Variants in QTMAN observed in about 807,000 individuals in gnomAD.
QTMAN encodes the protein tRNA-queuosine alpha-mannosyltransferase.
At chr2:144,101,415 C>A in the QTMAN span, among the ~76,000 whole-genome samples, 9 of 151,142 alleles carry the variant, frequency 6.0e-5, no homozygotes, top group South Asian at 1.9e-3. Context: ...CACACACACA[C>A]TACTTTACTG....
chr2:144,029,927 T>C, the QTMAN span, among the ~76,000 whole-genome samples: 1 of 152,226 alleles, frequency 6.6e-6, no homozygotes, highest in Non-Finnish European at 1.5e-5. Context: ...AGTGTGTGTG[T>C]ACCCATCTGC....
the QTMAN span, among the ~76,000 whole-genome samples, chr2:144,042,754 A>T: frequency 7.1e-6 from 1 of 140,806 alleles, no homozygotes; most frequent in Non-Finnish European, 1.5e-5. Flanking sequence ...ACAGAGTGAG[A>T]CTCTGTCTCA....
At chr2:143,969,381 G>A in the QTMAN span, among the ~76,000 whole-genome samples, 59 of 152,292 alleles carry the variant, frequency 3.9e-4, 1 homozygote, top group South Asian at 0.01. Context: ...TTTCTTGAGA[G>A]CAGGGAGTTT....
chr2:143,988,588 A>G, the QTMAN span, among the ~76,000 whole-genome samples: 1 of 152,248 alleles, frequency 6.6e-6, no homozygotes, highest in East Asian at 1.9e-4. Context: ...CAACAACTCT[A>G]CGAGGTAGAT....
chr2:144,004,401 G>A, the QTMAN span, among the ~76,000 whole-genome samples: 1 of 151,936 alleles, frequency 6.6e-6, no homozygotes, highest in African/African-American at 2.4e-5. Context: ...GGGGATGTTT[G>A]ATGAATGCTG....
the QTMAN span, among the ~76,000 whole-genome samples, chr2:144,311,284 G>A: frequency 6.6e-6 from 1 of 152,158 alleles, no homozygotes; most frequent in Admixed American, 6.5e-5. Flanking sequence ...TGCTTCTTAG[G>A]ATATGTAAAA....
the QTMAN span, among the ~76,000 whole-genome samples, chr2:144,007,996 C>A: frequency 6.6e-6 from 1 of 152,090 alleles, no homozygotes; most frequent in African/African-American, 2.4e-5. Context: ...TCTGAATATA[C>A]TTTGTATTAA....
At chr2:144,011,966 T>C in the QTMAN span, among the ~76,000 whole-genome samples, 10 of 152,164 alleles carry the variant, frequency 6.6e-5, no homozygotes, top group African/African-American at 2.4e-4. Context: ...TACAGAATGC[T>C]TCTTCCTGTT....
the QTMAN span, among the ~76,000 whole-genome samples, chr2:144,021,488 C>A: frequency 3.6e-4 from 54 of 152,044 alleles, no homozygotes; most frequent in Middle Eastern, 3.2e-3. Context: ...GAATCCAGGA[C>A]ATAGTTGACC....
the QTMAN span, chr2:144,141,970 G>T: frequency 1.2e-6 from 2 of 1,610,212 alleles, no homozygotes; most frequent in East Asian, 2.2e-5. Flanking sequence ...CTGTGATCAG[G>T]AATCAGCTTC....
chr2:144,016,603 C>G, the QTMAN span, among the ~76,000 whole-genome samples: 388 of 152,268 alleles, frequency 2.5e-3, 3 homozygotes, highest in South Asian at 5.6e-3. Context: ...TAAAAATGGT[C>G]TCTAATCATG....
the QTMAN span, among the ~76,000 whole-genome samples, chr2:144,141,110 CT>C: frequency 6.6e-6 from 1 of 151,914 alleles, no homozygotes; most frequent in African/African-American, 2.4e-5. Context: ...TTCCTGAACT[CT>C]TTTAAGAAAG....
At chr2:143,973,793 A>C in the QTMAN span, among the ~76,000 whole-genome samples, 1 of 152,014 alleles carries the variant, frequency 6.6e-6, no homozygotes, top group Admixed American at 6.6e-5. Context: ...CGTCTCAAAA[A>C]AAAAAAAAAG....
At chr2:144,296,688 A>G in the QTMAN span, among the ~76,000 whole-genome samples, 1 of 152,200 alleles carries the variant, frequency 6.6e-6, no homozygotes, top group Non-Finnish European at 1.5e-5. Context: ...GACACACTCC[A>G]ACACTGTACC....
the QTMAN span, among the ~76,000 whole-genome samples, chr2:144,157,103 T>C: frequency 2.5e-3 from 375 of 152,192 alleles, 1 homozygote; most frequent in African/African-American, 8.6e-3. Flanking sequence ...AAATGCTCTC[T>C]AGTTACATGG....
the QTMAN span, among the ~76,000 whole-genome samples, chr2:144,053,792 T>C: frequency 6.6e-6 from 1 of 152,172 alleles, no homozygotes; most frequent in Non-Finnish European, 1.5e-5. Flanking sequence ...TTTCAGCATA[T>C]TCAGGAGCCT....
chr2:144,117,697 TA>T, the QTMAN span, among the ~76,000 whole-genome samples: 3 of 152,242 alleles, frequency 2.0e-5, no homozygotes, highest in Non-Finnish European at 4.4e-5. Context: ...GACAGGTTGA[TA>T]AGTTAGTGTT....
chr2:144,199,085 T>C, the QTMAN span, among the ~76,000 whole-genome samples: 3 of 151,686 alleles, frequency 2.0e-5, no homozygotes, highest in African/African-American at 7.3e-5. Context: ...TTCACTCTTG[T>C]TGCGCAGGCT....
At chr2:144,172,165 A>G in the QTMAN span, among the ~76,000 whole-genome samples, 5 of 152,166 alleles carry the variant, frequency 3.3e-5, no homozygotes, top group African/African-American at 7.2e-5. Context: ...ACATAGCAGT[A>G]TTTAGATTTT....
Sources: allele counts gnomAD v4.1 joint callset (sites outside exome capture counted in the v4.1 genomes callset), GRCh38; gene constraint gnomAD v4.1.1; transcripts MANE v1.5; gene names NCBI Gene and HGNC (gene_info 2026-07-23, HGNC 2026-07-21).